The following PATL2 variants were observed in gnomAD, a reference collection of about 807,000 sequenced individuals.
PATL2 encodes protein PAT1 homolog 2.
A neutral mutation model predicts 77.0 loss-of-function variants in PATL2; 73 were observed. That is an observed-to-expected ratio of 0.95 (90% CI 0.78 to 1.15). PATL2 has a LOEUF of 1.15. Ranked by LOEUF, PATL2 falls within the 50% of genes most tolerant of loss-of-function variation. PATL2 has a pLI of 0.00. For synonymous variants in PATL2, 265 were observed against 257.1 expected (o/e 1.03, Z -0.29); for missense variants, 618 against 655.4 (o/e 0.94, Z 0.62).
intron 6 of PATL2, among the ~76,000 whole-genome samples, 192 bp downstream of exon 6, chr15:44,673,958 G>T (rs1207246340): frequency 6.6e-6 from 1 of 152,126 alleles, no homozygotes; most frequent in Non-Finnish European, 1.5e-5. Context: ...ACTTATTAAG[G>T]TGTCTATCCA....
intron 9 of PATL2, among the ~76,000 whole-genome samples, chr15:44,671,086 A>G (rs541340263): frequency 6.6e-6 from 1 of 152,390 alleles, no homozygotes; most frequent in South Asian, 2.1e-4. Context: ...CCCTCGCAGA[A>G]AAAGGAGGGC....
At chr15:44,708,519 T>C (rs1198441470) in intron 3 of PATL2, among the ~76,000 whole-genome samples, 2 of 152,214 alleles carry the variant, frequency 1.3e-5, no homozygotes, top group African/African-American at 4.8e-5. Context: ...TCATATAGAT[T>C]ATAGTTTGCC....
intron 3 of PATL2, among the ~76,000 whole-genome samples, chr15:44,686,968 C>A (rs1461316002): frequency 6.6e-6 from 1 of 152,148 alleles, no homozygotes; most frequent in African/African-American, 2.4e-5. Flanking sequence ...TGAATTCTAC[C>A]AGAGGTACAA....
At chr15:44,707,271 T>G (rs1272447744) in intron 3 of PATL2, among the ~76,000 whole-genome samples, 3 of 152,004 alleles carry the variant, frequency 2.0e-5, no homozygotes, top group African/African-American at 7.2e-5. Context: ...TCCCCTTTAC[T>G]CTTTCCACTT....
chr15:44,708,028 C>A (rs1210824809), intron 3 of PATL2, among the ~76,000 whole-genome samples: 1 of 152,220 alleles, frequency 6.6e-6, no homozygotes, highest in Non-Finnish European at 1.5e-5. Flanking sequence ...AGTTCCAATG[C>A]AAAGTCTGAA....
At chr15:44,667,003 C>T in intron 16 of PATL2, 103 bp downstream of exon 16, 1 of 906,958 alleles carries the variant, frequency 1.1e-6, no homozygotes, top group South Asian at 1.6e-5. Context: ...TCTATCCAAC[C>T]TCTTCCTCAG....
At chr15:44,673,505 G>T in intron 6 of PATL2, 128 bp from the exon 7 acceptor site, 1 of 1,260,692 alleles carries the variant, frequency 7.9e-7, no homozygotes, top group African/African-American at 1.5e-5. Context: ...GTGCCATCTT[G>T]TGAGTCCCTC....
chr15:44,669,650 G>C, intron 11 of PATL2, 87 bp from the exon 12 acceptor site: 1 of 1,514,826 alleles, frequency 6.6e-7, no homozygotes, highest in East Asian at 2.5e-5. Context: ...GATTGAGCTG[G>C]AAAGGCTAGA....
chr15:44,711,306 C>A lies in PATL2; in HGVS notation c.-540G>T. 1.6e-6 allele frequency: 1 copy of A among 608,482 alleles called. No individual in the cohort carries two copies. Among genetic ancestry groups the A allele is most frequent in the Non-Finnish European group, 2.9e-6 (1 of 339,438 alleles). The allele number at this position is 608,482 out of a possible 1,614,324, so 37.7% of individuals were successfully genotyped here. A position where few individuals can be genotyped will look rare whatever the true frequency, so the allele number is the denominator to read the frequency against. On this transcript the variant is annotated 5_prime_UTR_variant, in exon 1 of 18. Coordinates refer to ENST00000682850, the MANE Select transcript of PATL2 (RefSeq NM_001387263.1). ...GGGGCGCGCACCCCAGATCGGAGGG[C>A]GCCGATGTACAGACAGCAAACTCAC...
At chr15:44,675,767 C>A in intron 4 of PATL2, 76 bp from the exon 5 acceptor site, 6 of 1,251,418 alleles carry the variant, frequency 4.8e-6, no homozygotes, top group Non-Finnish European at 6.6e-6. Context: ...GGCTGCTACT[C>A]AATAGCACTT....
chr15:44,693,467 C>T (rs1196961217), intron 3 of PATL2, among the ~76,000 whole-genome samples: 1 of 152,166 alleles, frequency 6.6e-6, no homozygotes, highest in Non-Finnish European at 1.5e-5. Context: ...AGTCACATCT[C>T]CCTCTGACTA....
intron 3 of PATL2, among the ~76,000 whole-genome samples, chr15:44,688,090 C>G (rs1362872959): frequency 1.3e-5 from 2 of 151,694 alleles, no homozygotes; most frequent in Non-Finnish European, 2.9e-5. Flanking sequence ...ACTAAAAATA[C>G]AAAAAATTAG....
chr15:44,698,835 GCTATA>G (rs2086569284), intron 3 of PATL2, among the ~76,000 whole-genome samples: 1 of 152,118 alleles, frequency 6.6e-6, no homozygotes, highest in Non-Finnish European at 1.5e-5. Context: ...CTCCCTAGTG[GCTATA>G]CTAATTTCCA....
At chr15:44,676,968 C>A in intron 3 of PATL2, 1 of 972,420 alleles carries the variant, frequency 1.0e-6, no homozygotes, top group Non-Finnish European at 1.2e-6. Context: ...CTCCCCTGCT[C>A]ACCCATTAAA....
rs369028885 is a variant in PATL2 at position 44,669,834 on chromosome 15, C to T, written c.819G>A (p.Ser273=). The change falls in exon 11 of 18, where the codon TCG becomes TCA. Residue 273 remains serine, a synonymous_variant. Coordinates refer to ENST00000682850, the MANE Select transcript of PATL2 (RefSeq NM_001387263.1). ...TAGCTCGGCGAGGGCTGAAGCATGT[C>T]GACACAGCTACCTGGCCCAGGGAAC... The part of the protein sequence containing the change: ...IEGSLGQVAV[S]TCFSPRRAID... 2.2e-5 allele frequency: 34 copies of T among 1,551,514 alleles called. No homozygotes were observed. Among genetic ancestry groups the T allele is most frequent in the East Asian group, 7.3e-5 (3 of 40,924 alleles).
chr15:44,669,452 T>C, intron 12 of PATL2, 39 bp from the exon 13 acceptor site: 1 of 1,548,838 alleles, frequency 6.5e-7, no homozygotes, highest in Non-Finnish European at 8.7e-7. Flanking sequence ...TAAATTTGGG[T>C]AATATCTCAT....
At chr15:44,666,350 G>T (rs2085368618) in intron 17 of PATL2, 42 bp downstream of exon 17, 1 of 1,548,836 alleles carries the variant, frequency 6.5e-7, no homozygotes, top group Non-Finnish European at 8.7e-7. Flanking sequence ...CATAGATTGG[G>T]CTTGAACAAG....
intron 3 of PATL2, among the ~76,000 whole-genome samples, chr15:44,681,505 C>A (rs2086133773): frequency 6.6e-6 from 1 of 152,180 alleles, no homozygotes; most frequent in Non-Finnish European, 1.5e-5. Context: ...TCCTGCTCCC[C>A]TCATCTTCTT....
chr15:44,669,600 C>A (rs1216303934), intron 11 of PATL2, 37 bp from the exon 12 acceptor site: 1 of 1,545,540 alleles, frequency 6.5e-7, no homozygotes, highest in African/African-American at 1.4e-5. Flanking sequence ...AGCTACACTG[C>A]CACTGCCACA....
Sources: gnomAD v4.1 joint callset for allele counts (sites outside exome capture counted in the v4.1 genomes callset) on GRCh38, gnomAD v4.1.1 for gene constraint, MANE v1.5 for transcripts, NCBI Gene and HGNC (gene_info 2026-07-23, HGNC 2026-07-21) for gene names.